Variants in DGKG observed in about 807,000 individuals in gnomAD.
The protein encoded by DGKG is DAG kinase gamma.
A neutral mutation model predicts 105.3 loss-of-function variants in DGKG; 78 were observed. The observed-to-expected ratio is 0.74, with a 90% CI of 0.62 to 0.89. The LOEUF (loss-of-function observed/expected upper bound fraction) is 0.89, where lower values mean the gene tolerates loss of function less well. Among genes scored for constraint, DGKG ranks in the 40% least tolerant of loss-of-function variants. The pLI, the probability that DGKG is intolerant of heterozygous loss-of-function variation, is 0.00. For synonymous variants in DGKG, 346 were observed against 367.1 expected, an observed-to-expected ratio of 0.94 and a Z score of 0.66; for missense variants, 958 against 1,020.1, an observed-to-expected ratio of 0.94 and a Z score of 0.83.
chr3:186,249,410 T>C (rs188134896), intron 19 of DGKG, among the ~76,000 whole-genome samples: 28 of 152,350 alleles, frequency 1.8e-4, no homozygotes, highest in Non-Finnish European at 1.5e-5. Flanking sequence ...GTTTTCTTAT[T>C]CATAAAATAG....
At chr3:186,297,304 T>C in intron 5 of DGKG, 117 bp downstream of exon 5, 1 of 776,800 alleles carries the variant, frequency 1.3e-6, no homozygotes, top group Non-Finnish European at 2.2e-6. Context: ...GAGGACCAGA[T>C]CTGCATAAGA....
chr3:186,175,424 G>T (rs1717026345), intron 22 of DGKG, among the ~76,000 whole-genome samples: 1 of 152,202 alleles, frequency 6.6e-6, no homozygotes, highest in Admixed American at 6.5e-5. Context: ...TATCTTCTGG[G>T]ATTCTCCAGG....
chr3:186,353,522 A>G (rs954664438), intron 1 of DGKG, among the ~76,000 whole-genome samples: 14 of 150,750 alleles, frequency 9.3e-5, no homozygotes, highest in Non-Finnish European at 2.9e-5. Context: ...CCATCTCAAA[A>G]AAAAAAGTAT....
intron 18 of DGKG, 64 bp from the exon 19 acceptor site, chr3:186,251,983 G>A (rs1161748697): frequency 2.7e-6 from 4 of 1,467,328 alleles, no homozygotes; most frequent in Non-Finnish European, 3.6e-6. Context: ...TAATGCACAG[G>A]TAGTTGTCAG....
intron 21 of DGKG, among the ~76,000 whole-genome samples, chr3:186,196,925 G>T (rs1718209093): frequency 6.6e-6 from 1 of 152,180 alleles, no homozygotes; most frequent in African/African-American, 2.4e-5. Context: ...GGGAAGATGG[G>T]ATCTAAAAGG....
chr3:186,290,985 T>C (rs1723287554), intron 5 of DGKG, among the ~76,000 whole-genome samples: 2 of 152,204 alleles, frequency 1.3e-5, no homozygotes, highest in African/African-American at 4.8e-5. Context: ...CGTGAATCAT[T>C]GATAGAGTAT....
intron 22 of DGKG, among the ~76,000 whole-genome samples, chr3:186,182,373 A>G (rs1212477673): frequency 6.6e-6 from 1 of 152,222 alleles, no homozygotes; most frequent in African/African-American, 2.4e-5. Context: ...CACTCTGCTC[A>G]GTCCCTACAT....
chr3:186,167,606 T>G (rs1245749783), intron 22 of DGKG, among the ~76,000 whole-genome samples: 1 of 152,200 alleles, frequency 6.6e-6, no homozygotes, highest in Non-Finnish European at 1.5e-5. Flanking sequence ...ATGTTTAGAT[T>G]GAGACATCTG....
intron 22 of DGKG, among the ~76,000 whole-genome samples, chr3:186,185,970 C>A (rs918417447): frequency 6.6e-6 from 1 of 151,662 alleles, no homozygotes; most frequent in African/African-American, 2.4e-5. Context: ...TGATGGTGCA[C>A]GCCTGTAATC....
Position 186,149,406 on chromosome 3 carries a change from AC to A in DGKG, c.*683del. On this transcript the variant is annotated 3_prime_UTR_variant, in exon 25 of 25. Transcript: ENST00000265022. ...GGCTCTTGGAGCCGCCTCTAAGCAA[AC>A]ATGTAGACACCAGGAGAAGGTTCCT... The A allele has an allele frequency of 1.0e-6, 1 of 985,408 alleles. No individual in the cohort carries two copies. The allele number at this position is 985,408 out of a possible 1,614,324, so 61.0% of individuals were successfully genotyped here.
chr3:186,315,403 C>A (rs1255921430), intron 2 of DGKG, among the ~76,000 whole-genome samples: 2 of 152,178 alleles, frequency 1.3e-5, no homozygotes, highest in Non-Finnish European at 2.9e-5. Context: ...CCTTCTCCAA[C>A]AAATATGCAC....
At chr3:186,244,707 AATTT>A (rs1578717620) in intron 19 of DGKG, among the ~76,000 whole-genome samples, 1 of 152,018 alleles carries the variant, frequency 6.6e-6, no homozygotes, top group East Asian at 1.9e-4. Context: ...AGGCCTGGCC[AATTT>A]ATTTTTTAGC....
Position 186,252,049 on chromosome 3 carries a change from T to C in DGKG, c.1601-130A>G, listed in dbSNP as rs1035578499. 8.8e-6 allele frequency: 7 copies of C among 797,944 alleles called. No individual in the cohort carries two copies. The African/African-American group carries it at 1.2e-4, about 14-fold the overall frequency. The allele number at this position is 797,944 out of a possible 1,614,324, so 49.4% of individuals were successfully genotyped here. A position where few individuals can be genotyped will look rare whatever the true frequency, so the allele number is the denominator to read the frequency against. On this transcript the variant is annotated intron_variant, in intron 18 of 24. Coordinates refer to ENST00000265022, the MANE Select transcript of DGKG (RefSeq NM_001346.3). ...GGGACTCCCCACTGTGTCTGTGGGC[T>C]AGAGACACTTACGTTCCCCGAGCCA... is the stretch of plus-strand genomic sequence containing the variant.
intron 9 of DGKG, among the ~76,000 whole-genome samples, chr3:186,278,947 G>A (rs1722708897): frequency 6.6e-6 from 1 of 152,182 alleles, no homozygotes; most frequent in Admixed American, 6.5e-5. Flanking sequence ...CCTCATGCAT[G>A]GAAGTGAGTT....
rs199664647 is a variant in DGKG, at chr3:186,242,341, CT to C, written c.1826+162del. On this transcript the variant is annotated intron_variant, in intron 20 of 24. Transcript: ENST00000265022. ...GTTAGCCTGCGCCAAGTTTCTGACA[CT>C]TTTTTTTTTCTTGGAAATGGAAACC... Among the ~76,000 whole-genome samples the C allele has an allele frequency of 3.7e-4, 56 of 150,722 alleles. No individual in the cohort carries two copies. The East Asian group carries it at 6.2e-3, about 17-fold the overall frequency.
chr3:186,298,427 G>C (rs762720092), intron 3 of DGKG, among the ~76,000 whole-genome samples, 198 bp from the exon 4 acceptor site: 2 of 152,200 alleles, frequency 1.3e-5, no homozygotes, highest in Non-Finnish European at 2.9e-5. Context: ...CAGGGGATGG[G>C]TGTAAGAGAG....
chr3:186,251,873 C>T lies in DGKG; in HGVS notation c.1647G>A (p.Gln549=). ...SLTKILKDIE[Q]SPLVMLDRWH... is the part of the protein sequence containing the mutation. ...AGCGGTCCAGCATCACCAAGGGGCT[C>T]TGCTCAATGTCTTTCAGGATTTTTG... is the stretch of plus-strand genomic sequence containing the variant. Residue 549 remains glutamine (Q), a synonymous_variant, in exon 19 of 25, where the codon CAG becomes CAA. Transcript: ENST00000265022. 2.5e-6 allele frequency: 4 copies of T among 1,609,012 alleles called. No homozygotes were observed. Among genetic ancestry groups the T allele is most frequent in the Admixed American group, 1.7e-5 (1 of 59,488 alleles).
Position 186,288,813 on chromosome 3 carries a change from G to C in DGKG, c.441C>G (p.Pro147=), listed in dbSNP as rs190526753. ...DQVAATPLEP[P]VPRSSSSESP... is the part of the protein sequence containing the mutation. ...ATTCCGAGCTTGAAGACCGAGGGAC[G>C]GGGGGTTCCAGGGGGGTCGCAGCCA... Residue 147 remains proline (P), a synonymous_variant, in exon 6 of 25, where the codon CCC becomes CCG. Coordinates refer to ENST00000265022, the MANE Select transcript of DGKG (RefSeq NM_001346.3). 6.2e-7 allele frequency: 1 copy of C among 1,610,828 alleles called. No individual in the cohort carries two copies. The highest frequency in any genetic ancestry group is 1.3e-5 in the African/African-American group (1 of 74,762).
chr3:186,301,686 G>A (rs545987083), intron 3 of DGKG, among the ~76,000 whole-genome samples: 2 of 152,142 alleles, frequency 1.3e-5, no homozygotes, highest in South Asian at 4.1e-4. Context: ...GATTAACTGA[G>A]GTACTACTGT....
Sources: allele counts gnomAD v4.1 joint callset (sites outside exome capture counted in the v4.1 genomes callset), GRCh38; gene constraint gnomAD v4.1.1; transcripts MANE v1.5; gene names NCBI Gene and HGNC (gene_info 2026-07-23, HGNC 2026-07-21).